METTL2B: variants seen among roughly 807,000 people sequenced by gnomAD.
The protein encoded by METTL2B is methyltransferase 2B, tRNA N3-cytidine.
METTL2B carries 28 observed loss-of-function variants against 51.0 expected under a neutral mutation model. The ratio of observed to expected loss-of-function variants is 0.55; its 90% CI spans 0.41 to 0.75. The LOEUF (loss-of-function observed/expected upper bound fraction) is 0.75, where lower values mean the gene tolerates loss of function less well. Among genes scored for constraint, METTL2B ranks in the 30% least tolerant of loss-of-function variants. The pLI is 0.00. For missense variants in METTL2B, 313 were observed against 460.7 expected, an observed-to-expected ratio of 0.68 and a Z score of 2.93; for synonymous variants, 128 against 166.3, an observed-to-expected ratio of 0.77 and a Z score of 1.77.
At chr7:128,491,610 A>G (rs1029130421) in intron 5 of METTL2B, among the ~76,000 whole-genome samples, 5 of 149,624 alleles carry the variant, frequency 3.3e-5, no homozygotes, top group Admixed American at 1.4e-4. Context: ...AAAAAAAAAT[A>G]CAAAAACTAG....
rs1799873591 is a variant in METTL2B at position 128,481,572 on chromosome 7, T to G, written c.608+876T>G. 2.0e-5 allele frequency among the ~76,000 whole-genome samples: 3 copies of G among 152,224 alleles called. No individual in the cohort carries two copies. The South Asian group carries it at 6.2e-4, about 31-fold the overall frequency. ...TCAGAGGATCTCACGCTCAGGAGCT[T>G]TGACCCTGAGGAGCTCAGTGCAGTG... On this transcript the variant is annotated intron_variant, in intron 4 of 8. Coordinates refer to ENST00000262432, the MANE Select transcript of METTL2B (RefSeq NM_018396.3).
In METTL2B at chr7:128,477,094, G is replaced by C; in HGVS notation, c.123G>C (p.Glu41Asp). 1 of 1,614,178 alleles carries C rather than the reference G, an allele frequency of 6.2e-7. No homozygotes were observed. The highest frequency in any genetic ancestry group is 1.1e-5 in the South Asian group (1 of 91,080). ...TTGATTTTCTCAGGGACAATGTGGAGTGGTCGGAAGAGCAAGCCGCGGCGG... is the reference window on the plus strand; with the variant it reads ...TTGATTTTCTCAGGGACAATGTGGACTGGTCGGAAGAGCAAGCCGCGGCGG... The part of the protein sequence containing the change: ...VFHHNAWDNV[E>D]WSEEQAAAAE... The change falls in exon 2 of 9, where the codon GAG becomes GAC. Residue 41 changes from glutamate to aspartate, a missense_variant. Coordinates refer to ENST00000262432, the MANE Select transcript of METTL2B (RefSeq NM_018396.3).
intron 5 of METTL2B, among the ~76,000 whole-genome samples, chr7:128,490,324 A>AATT (rs1792805709): frequency 1.1e-5 from 1 of 93,274 alleles, no homozygotes; most frequent in Non-Finnish European, 2.2e-5. Flanking sequence ...TTCAGGCTTC[A>AATT]CTTTTTTTTT....
At chr7:128,501,679 G>GC in intron 8 of METTL2B, 83 bp from the exon 9 acceptor site, 1 of 1,552,916 alleles carries the variant, frequency 6.4e-7, no homozygotes, top group Non-Finnish European at 8.7e-7. Context: ...ACTTCCCAGA[G>GC]CCCCATTTAA....
intron 3 of METTL2B, among the ~76,000 whole-genome samples, chr7:128,479,883 A>G (rs1242664468): frequency 2.6e-5 from 4 of 152,228 alleles, no homozygotes; most frequent in Admixed American, 1.3e-4. Context: ...TTCTCTTCTA[A>G]TACAGTTACA....
chr7:128,476,990 C>G, intron 1 of METTL2B, 92 bp from the exon 2 acceptor site: 2 of 1,174,168 alleles, frequency 1.7e-6, no homozygotes, highest in Non-Finnish European at 2.4e-6. Context: ...ACCCGAGGCA[C>G]TCTCCAAGGG....
Position 128,477,117 on chromosome 7 carries a change from C to A in METTL2B, c.146C>A (p.Ala49Glu). 1 of 1,614,024 alleles carries A rather than the reference C, an allele frequency of 6.2e-7. No individual in the cohort carries two copies. The highest frequency in any genetic ancestry group is 8.5e-7 in the Non-Finnish European group (1 of 1,179,964). The change falls in exon 2 of 9, where the codon GCG (alanine) becomes GAG (glutamate). Residue 49 changes from alanine to glutamate, a missense_variant. By Grantham distance (107) the Ala-to-Glu change is moderately radical. Around this residue, in one of 4 missense-constraint regions of METTL2B, gnomAD observed 67 missense variants for 101.4 expected, o/e 0.66. Coordinates refer to ENST00000262432, the MANE Select transcript of METTL2B (RefSeq NM_018396.3). ...NVEWSEEQAA[A>E]AERKVQENSI... is the part of the protein sequence containing the mutation. ...GAGTGGTCGGAAGAGCAAGCCGCGG[C>A]GGCGGAGAGAAAAGTCCAGGAGAAC...
At chr7:128,484,585 TTTTTG>T (rs1294161148) in intron 4 of METTL2B, among the ~76,000 whole-genome samples, 6 of 152,090 alleles carry the variant, frequency 3.9e-5, no homozygotes, top group South Asian at 2.1e-4. Context: ...TTTGGTTGGT[TTTTTG>T]TTTTGTTTTG....
chr7:128,477,172 A>G lies in METTL2B; in HGVS notation c.201A>G (p.Gln67=), dbSNP rs1194450602. 1 of 1,613,794 alleles carries G rather than the reference A, an allele frequency of 6.2e-7. No homozygotes were observed. The highest frequency in any genetic ancestry group is 2.2e-5 in the East Asian group (1 of 44,870). The change falls in exon 2 of 9, where the codon CAA becomes CAG. Residue 67 remains glutamine (Q), a splice_region_variant and synonymous_variant. Transcript: ENST00000262432. The part of the protein sequence containing the change: ...NSIQRVCQEK[Q]VDYEINAHKY... Reference sequence around the variant, plus strand: ...TCCAGCGGGTGTGCCAGGAGAAACAAGGTGCGCTTAAATGGGCTCTCGTTG... The same window carrying G: ...TCCAGCGGGTGTGCCAGGAGAAACAGGGTGCGCTTAAATGGGCTCTCGTTG...
chr7:128,476,922 C>A (rs1163135597), intron 1 of METTL2B, 47 bp downstream of exon 1: 1 of 1,609,360 alleles, frequency 6.2e-7, no homozygotes, highest in Non-Finnish European at 8.5e-7. Flanking sequence ...CCGTCTGTCC[C>A]GCCGCCTCGG....
chr7:128,504,873 T>G lies in METTL2B; in HGVS notation c.*2957T>G, dbSNP rs973411724. On this transcript the variant is annotated 3_prime_UTR_variant, in exon 9 of 9. Coordinates refer to ENST00000262432, the MANE Select transcript of METTL2B (RefSeq NM_018396.3). ...CAGCACTTTGAGAGACCGAGGCAGG[T>G]GGATCACCTGAGGTCGGGAGTTCGA... The G allele has an allele frequency of 6.7e-6, 1 of 150,106 alleles. No individual in the cohort carries two copies. Among genetic ancestry groups the G allele is most frequent in the African/African-American group, 2.5e-5 (1 of 40,772 alleles). The allele number at this position is 150,106 out of a possible 1,614,324, so 9.3% of individuals were successfully genotyped here. A position where few individuals can be genotyped will look rare whatever the true frequency, so the allele number is the denominator to read the frequency against.
rs532989937 is a variant in METTL2B at position 128,477,384 on chromosome 7, T to C, written c.202+211T>C. On this transcript the variant is annotated intron_variant, in intron 2 of 8. Coordinates refer to ENST00000262432, the MANE Select transcript of METTL2B (RefSeq NM_018396.3). ...TAAGTCGTAGAGGGTTTTTTTAATA[T>C]ATAGTTTTACTTTGGAGGAGGGTAA... Among the ~76,000 whole-genome samples the C allele has an allele frequency of 8.5e-5, 13 of 152,276 alleles. 1 individual carries two copies. In the East Asian group the frequency reaches 1.5e-3, roughly 18 times the overall value.
In METTL2B at chr7:128,484,217, CTTTTTTTTTT is replaced by C. The variant is rs574117158; in HGVS notation, c.608+3540_608+3549del. On this transcript the variant is annotated intron_variant, in intron 4 of 8. Transcript: ENST00000262432. ...CTTGAGTTACCCTATTGCCTAGATC[CTTTTTTTTTT>C]TTTTTTTTTTTTTTTTTTGAGACAG... 1.7e-4 allele frequency: 7 copies of C among 42,410 alleles called. 1 individual carries two copies. Among genetic ancestry groups the C allele is most frequent in the Admixed American group, 2.9e-4 (1 of 3,436 alleles). 2.6% of individuals were successfully genotyped at this position (42,410 alleles called of 1,614,324 possible).
At chr7:128,486,684 G>A (rs893965480) in intron 4 of METTL2B, among the ~76,000 whole-genome samples, 60 of 152,166 alleles carry the variant, frequency 3.9e-4, no homozygotes, top group African/African-American at 1.3e-3. Flanking sequence ...CAGCACCTGG[G>A]GAGGCCGAGG....
Position 128,477,228 on chromosome 7 carries a change from C to A in METTL2B, c.202+55C>A, listed in dbSNP as rs1048768350. On this transcript the variant is annotated intron_variant, in intron 2 of 8. Coordinates refer to ENST00000262432, the MANE Select transcript of METTL2B (RefSeq NM_018396.3). ...AACAGCCAGCGTACTGCCGAACGCG[C>A]CCTCCCGGAGAGGCCAGGGAACCGC... The A allele has an allele frequency of 3.7e-6, 6 of 1,608,008 alleles. No individual in the cohort carries two copies. In the African/African-American group the frequency reaches 8.0e-5, roughly 21 times the overall value.
chr7:128,488,867 G>A (rs546275223), intron 5 of METTL2B, among the ~76,000 whole-genome samples: 20 of 152,296 alleles, frequency 1.3e-4, no homozygotes, highest in African/African-American at 4.8e-4. Flanking sequence ...CACTTTGGGA[G>A]GCCAGGGTGG....
intron 3 of METTL2B, among the ~76,000 whole-genome samples, chr7:128,480,008 T>C (rs1292295925): frequency 6.6e-6 from 1 of 152,208 alleles, no homozygotes; most frequent in Non-Finnish European, 1.5e-5. Context: ...TAGATTGGTA[T>C]AATGTAAATT....
chr7:128,494,542 A>G (rs752384153), intron 6 of METTL2B, among the ~76,000 whole-genome samples: 3 of 152,172 alleles, frequency 2.0e-5, no homozygotes, highest in Non-Finnish European at 2.9e-5. Context: ...GGAAATTCCT[A>G]TTGATAATCT....
chr7:128,498,325 C>A (rs914204129), intron 7 of METTL2B, among the ~76,000 whole-genome samples, 183 bp downstream of exon 7: 1 of 146,644 alleles, frequency 6.8e-6, no homozygotes, highest in Non-Finnish European at 1.5e-5. Context: ...GGGGGCATCA[C>A]ACACTGGGGC....
Sources: gnomAD v4.1 joint callset for allele counts (sites outside exome capture counted in the v4.1 genomes callset) on GRCh38, gnomAD v4.1.1 for gene constraint, gnomAD v4.1.1 regional missense constraint, MANE v1.5 for transcripts, NCBI Gene and HGNC (gene_info 2026-07-23, HGNC 2026-07-21) for gene names.